The following ARSG variants were observed in gnomAD, a reference collection of about 807,000 sequenced individuals.
The protein encoded by ARSG is arylsulfatase G.
In ARSG, 37 loss-of-function variants were observed where a neutral mutation model predicts 50.5. The ratio of observed to expected loss-of-function variants is 0.73; its 90% confidence interval spans 0.56 to 0.96. The LOEUF (loss-of-function observed/expected upper bound fraction) is 0.96, where lower values mean the gene tolerates loss of function less well. Among genes scored for constraint, ARSG ranks in the 50% least tolerant of loss-of-function variants. The pLI, the probability that ARSG is intolerant of heterozygous loss-of-function variation, is 0.00. For synonymous variants in ARSG, 225 were observed against 254.6 expected (o/e 0.88, Z 1.11); for missense variants, 629 against 675.3 (o/e 0.93, Z 0.76).
chr17:68,347,185 T>C lies in ARSG; in HGVS notation c.454+13T>C, dbSNP rs760206783. On this transcript the variant is annotated intron_variant, in intron 4 of 11. Coordinates refer to ENST00000621439, the MANE Select transcript of ARSG (RefSeq NM_001267727.2). ...CCCAACTTCCGTGGTAAGAATTCTT[T>C]TGGGGATTTGTTACCTGGGAAACAG... 5.0e-6 allele frequency: 8 copies of C among 1,612,500 alleles called. No individual in the cohort carries two copies. Among genetic ancestry groups the C allele is most frequent in the East Asian group, 2.2e-5 (1 of 44,874 alleles).
chr17:68,325,773 C>T (rs1001580967), intron 2 of ARSG, among the ~76,000 whole-genome samples: 35 of 152,192 alleles, frequency 2.3e-4, no homozygotes, highest in Admixed American at 1.7e-3. Context: ...GGGTTGCCTG[C>T]TTATAGCTTG....
rs1462553289 is a variant in ARSG at position 68,304,972 on chromosome 17, C to T, written c.-551-1971C>T. Among the ~76,000 whole-genome samples, 3 of 152,052 alleles carry T rather than the reference C, an allele frequency of 2.0e-5. No homozygotes were observed. In the East Asian group the frequency reaches 5.8e-4, roughly 29 times the overall value. The stretch of plus-strand genomic sequence containing the variant: ...GAGGATCACTTGAACCCAGGAGTTC[C>T]AGACTGGCCTGGGCAATATAGTGAG... On this transcript the variant is annotated intron_variant, in intron 1 of 11. Coordinates refer to ENST00000621439, the MANE Select transcript of ARSG (RefSeq NM_001267727.2).
intron 6 of ARSG, among the ~76,000 whole-genome samples, chr17:68,358,760 G>T (rs575467533): frequency 1.3e-5 from 2 of 152,032 alleles, no homozygotes; most frequent in Non-Finnish European, 2.9e-5. Context: ...CAGCTAACTC[G>T]GGTGGCTGAA....
At chr17:68,374,908 T>A (rs184593062) in intron 8 of ARSG, among the ~76,000 whole-genome samples, 1 of 151,998 alleles carries the variant, frequency 6.6e-6, no homozygotes. Flanking sequence ...ATTTACTAGC[T>A]GGGCAACCAC....
At chr17:68,352,325 T>C (rs527413220) in intron 5 of ARSG, among the ~76,000 whole-genome samples, 1 of 143,236 alleles carries the variant, frequency 7.0e-6, no homozygotes, top group Admixed American at 7.4e-5. Flanking sequence ...GGGAAAATGC[T>C]TATGATATAA....
chr17:68,350,068 G>C (rs1389605702), intron 4 of ARSG, among the ~76,000 whole-genome samples: 2 of 152,188 alleles, frequency 1.3e-5, no homozygotes, highest in African/African-American at 4.8e-5. Flanking sequence ...TGGCAGGCGG[G>C]ATGCAGTGAA....
intron 2 of ARSG, among the ~76,000 whole-genome samples, chr17:68,333,345 A>G (rs2077864044): frequency 6.9e-6 from 1 of 145,206 alleles, no homozygotes; most frequent in Admixed American, 6.9e-5. Flanking sequence ...GAGTAATAAG[A>G]GGCCGGGCGT....
intron 1 of ARSG, among the ~76,000 whole-genome samples, chr17:68,263,748 C>T (rs1298112714): frequency 6.6e-6 from 1 of 152,186 alleles, no homozygotes; most frequent in African/African-American, 2.4e-5. Context: ...CAACACCTGG[C>T]CACGGTTTAA....
chr17:68,356,672 T>G lies in ARSG; in HGVS notation c.572T>G (p.Leu191Arg). The part of the protein sequence containing the change: ...CPQGDGPSRN[L>R]QRDCYTDVAL... ...GGTCTGTGGTTTCCACACAGGAACC[T>G]TCAAAGAGACTGTTACACTGACGTG... Residue 191 changes from leucine to arginine, a missense_variant, in exon 6 of 12, where the codon CTT (leucine) becomes CGT (arginine). Physicochemically the swap from Leu to Arg is moderately radical, Grantham distance 102 (BLOSUM62 -2). Transcript: ENST00000621439. The G allele has an allele frequency of 6.2e-7, 1 of 1,614,212 alleles. No individual in the cohort carries two copies. The highest frequency in any genetic ancestry group is 8.5e-7 in the Non-Finnish European group (1 of 1,180,036).
chr17:68,397,471 C>A (rs1486299900), intron 10 of ARSG, among the ~76,000 whole-genome samples: 2 of 152,058 alleles, frequency 1.3e-5, no homozygotes, highest in African/African-American at 4.8e-5. Flanking sequence ...AGTTTGAGGA[C>A]AACATGGGTA....
intron 2 of ARSG, among the ~76,000 whole-genome samples, chr17:68,335,260 G>A (rs2077962610): frequency 6.6e-6 from 1 of 152,216 alleles, no homozygotes; most frequent in South Asian, 2.1e-4. Flanking sequence ...GTAGTTGAGT[G>A]TTATAAGAGA....
chr17:68,382,694 C>T (rs2080497124), intron 8 of ARSG, among the ~76,000 whole-genome samples: 2 of 152,304 alleles, frequency 1.3e-5, no homozygotes, highest in South Asian at 4.1e-4. Flanking sequence ...CCTAGCAGTA[C>T]CAGTGAGAAG....
At chr17:68,291,237 G>A (rs1382882287), upstream of ARSG, 1 of 151,382 alleles carries the variant, frequency 6.6e-6, no homozygotes, top group Non-Finnish European at 1.5e-5. Context: ...TCGGGCTGGT[G>A]AGGCCCGAGC....
chr17:68,277,836 G>C (rs2075573795), intron 1 of ARSG, among the ~76,000 whole-genome samples: 1 of 152,222 alleles, frequency 6.6e-6, no homozygotes, highest in African/African-American at 2.4e-5. Flanking sequence ...AGAGTGTGCA[G>C]ACAGCAGATG....
At chr17:68,315,480 T>C (rs545476806) in intron 2 of ARSG, among the ~76,000 whole-genome samples, 43 of 151,880 alleles carry the variant, frequency 2.8e-4, no homozygotes, top group Admixed American at 1.9e-3. Flanking sequence ...TGAGCTATGA[T>C]CGTGTCACTG....
At chr17:68,272,703 T>A (rs781930279) in intron 1 of ARSG, 2 of 1,614,206 alleles carry the variant, frequency 1.2e-6, no homozygotes. Context: ...CTATGGAACG[T>A]CTTTTGCCAA....
intron 6 of ARSG, among the ~76,000 whole-genome samples, chr17:68,362,992 G>A (rs1005005008): frequency 6.6e-6 from 1 of 152,176 alleles, no homozygotes; most frequent in Non-Finnish European, 1.5e-5. Context: ...TGATGTGCTG[G>A]TGCTGTGCCA....
At chr17:68,310,597 T>C (rs1167780543) in intron 2 of ARSG, among the ~76,000 whole-genome samples, 1 of 152,210 alleles carries the variant, frequency 6.6e-6, no homozygotes, top group African/African-American at 2.4e-5. Context: ...GGTCTGATTG[T>C]CCAGCTCGGA....
intron 1 of ARSG, among the ~76,000 whole-genome samples, chr17:68,263,809 A>G (rs2075110317): frequency 1.3e-5 from 2 of 152,158 alleles, no homozygotes. Context: ...GGTGAGCCCC[A>G]TATTTGCAAA....
Sources: allele counts gnomAD v4.1 joint callset (sites outside exome capture counted in the v4.1 genomes callset), GRCh38; gene constraint gnomAD v4.1.1; transcripts MANE v1.5; gene names NCBI Gene and HGNC (gene_info 2026-07-23, HGNC 2026-07-21).